TMEM117: variants seen among roughly 807,000 people sequenced by gnomAD.
The protein encoded by TMEM117 is transmembrane protein 117.
A neutral mutation model predicts 52.4 loss-of-function variants in TMEM117; 27 were observed. The ratio of observed to expected loss-of-function variants is 0.51; its 90% CI spans 0.38 to 0.71. TMEM117 has a LOEUF of 0.71. Among genes scored for constraint, TMEM117 ranks in the 30% least tolerant of loss-of-function variants. The probability of loss-of-function intolerance (pLI) is 0.00; values close to 1 mark genes in which losing one functional copy is unlikely to be tolerated. For synonymous variants in TMEM117, 215 were observed against 206.3 expected (o/e 1.04, Z -0.36); for missense variants, 556 against 630.5 (o/e 0.88, Z 1.26).
At chr12:44,286,735 A>C (rs1950643494) in intron 5 of TMEM117, among the ~76,000 whole-genome samples, 1 of 152,226 alleles carries the variant, frequency 6.6e-6, no homozygotes, top group Non-Finnish European at 1.5e-5. Flanking sequence ...GGATTTATTT[A>C]CATGTGCTAC....
chr12:43,885,393 C>T (rs1273344501), intron 2 of TMEM117, among the ~76,000 whole-genome samples: 1 of 145,362 alleles, frequency 6.9e-6, no homozygotes, highest in East Asian at 2.0e-4. Context: ...TTAAGGGCCT[C>T]CCCTATTTTC....
At chr12:44,196,050 G>A (rs1008313981) in intron 4 of TMEM117, among the ~76,000 whole-genome samples, 1 of 151,996 alleles carries the variant, frequency 6.6e-6, no homozygotes, top group Non-Finnish European at 1.5e-5. Flanking sequence ...TTGTGCCACT[G>A]CACTCCAGCC....
chr12:43,919,291 T>G (rs1391952961), intron 2 of TMEM117, among the ~76,000 whole-genome samples: 2 of 152,206 alleles, frequency 1.3e-5, no homozygotes, highest in Non-Finnish European at 2.9e-5. Context: ...TGATTAGTAT[T>G]TCTCTATTTC....
intron 3 of TMEM117, among the ~76,000 whole-genome samples, chr12:44,052,981 A>G (rs141412317): frequency 1.2e-3 from 183 of 152,000 alleles, no homozygotes; most frequent in Non-Finnish European, 2.1e-3. Context: ...AGTCTTTCCA[A>G]CCTTAGAGGT....
At chr12:44,228,838 G>A (rs1592624187) in intron 5 of TMEM117, among the ~76,000 whole-genome samples, 1 of 152,196 alleles carries the variant, frequency 6.6e-6, no homozygotes, top group African/African-American at 2.4e-5. Flanking sequence ...TAGTGGGCAA[G>A]ATGTGGTGTG....
chr12:44,261,835 C>T (rs56134810), intron 5 of TMEM117, among the ~76,000 whole-genome samples: 27,595 of 152,104 alleles, frequency 0.18, 3,567 homozygotes, highest in African/African-American at 0.36. Flanking sequence ...TTAAAGCAAG[C>T]CAGGAAGCCC....
At chr12:43,868,173 T>C (rs1209152460) in intron 2 of TMEM117, among the ~76,000 whole-genome samples, 1 of 151,346 alleles carries the variant, frequency 6.6e-6, no homozygotes, top group Non-Finnish European at 1.5e-5. Context: ...TCTCCCCCTC[T>C]CTCTGTCTCT....
At chr12:43,896,021 G>A (rs1162829800) in intron 2 of TMEM117, among the ~76,000 whole-genome samples, 1 of 152,082 alleles carries the variant, frequency 6.6e-6, no homozygotes, top group Non-Finnish European at 1.5e-5. Flanking sequence ...TCAGATTGAG[G>A]GTGGGTCTGC....
rs567388412 is a variant in TMEM117 at position 44,229,543 on chromosome 12, G to T, written c.608+18156G>T. ...AAAAGACACACAGCACAGCTTATGT[G>T]CATTGCCCAGGGATTTTGGAACAAT... On this transcript the variant is annotated intron_variant, in intron 5 of 7. Transcript: ENST00000266534. Among the ~76,000 whole-genome samples, 6 of 152,192 alleles carry T rather than the reference G, an allele frequency of 3.9e-5. No individual in the cohort carries two copies. In the South Asian group the frequency reaches 1.2e-3, roughly 32 times the overall value.
At chr12:43,836,668 T>G (rs975351229) in intron 1 of TMEM117, among the ~76,000 whole-genome samples, 3 of 152,062 alleles carry the variant, frequency 2.0e-5, no homozygotes, top group Non-Finnish European at 4.4e-5. Context: ...AAGACTTGGG[T>G]GTTTGGGTGT....
chr12:44,249,828 T>C (rs571587158), intron 5 of TMEM117, among the ~76,000 whole-genome samples: 11 of 152,260 alleles, frequency 7.2e-5, no homozygotes, highest in African/African-American at 2.2e-4. Context: ...TTACACCTTA[T>C]ACAAAAATTA....
intron 5 of TMEM117, among the ~76,000 whole-genome samples, chr12:44,252,560 A>AT (rs1282491719): frequency 6.6e-6 from 1 of 152,266 alleles, no homozygotes; most frequent in East Asian, 1.9e-4. Flanking sequence ...CTTGAATGCC[A>AT]TTTTTTGTGA....
chr12:43,881,578 T>C (rs145064890), intron 2 of TMEM117, among the ~76,000 whole-genome samples: 12 of 151,642 alleles, frequency 7.9e-5, no homozygotes, highest in African/African-American at 2.9e-4. Context: ...TCACCTAAGG[T>C]TGGGAGTTTG....
At chr12:43,825,915 C>G in the TMEM117 span, among the ~76,000 whole-genome samples, 1 of 152,160 alleles carries the variant, frequency 6.6e-6, no homozygotes, top group East Asian at 1.9e-4. Flanking sequence ...TTATTTCAGC[C>G]CTAGTTTCTT....
At chr12:44,030,975 A>G (rs1946625087) in intron 3 of TMEM117, among the ~76,000 whole-genome samples, 1 of 152,216 alleles carries the variant, frequency 6.6e-6, no homozygotes, top group African/African-American at 2.4e-5. Flanking sequence ...GCTCTTTAAC[A>G]AAACTTATAA....
intron 5 of TMEM117, among the ~76,000 whole-genome samples, chr12:44,211,952 G>A (rs983281108): frequency 1.3e-5 from 2 of 152,226 alleles, no homozygotes; most frequent in Non-Finnish European, 2.9e-5. Flanking sequence ...TAGGAATGGA[G>A]AGGCAGCAAG....
At chr12:44,302,184 A>C (rs1950849066) in intron 6 of TMEM117, among the ~76,000 whole-genome samples, 1 of 152,008 alleles carries the variant, frequency 6.6e-6, no homozygotes, top group African/African-American at 2.4e-5. Context: ...TGCCCTATGC[A>C]GCTCTTCTTC....
chr12:44,279,738 T>G (rs1041772056), intron 5 of TMEM117, among the ~76,000 whole-genome samples: 6 of 152,128 alleles, frequency 3.9e-5, no homozygotes, highest in African/African-American at 1.4e-4. Flanking sequence ...GGTCTTGAAC[T>G]CCTGGGCTCA....
chr12:44,212,068 T>C (rs745925640), intron 5 of TMEM117, among the ~76,000 whole-genome samples: 4 of 152,212 alleles, frequency 2.6e-5, no homozygotes, highest in African/African-American at 7.2e-5. Flanking sequence ...TTATGTAAAC[T>C]AACACTTATA....
Sources: allele counts gnomAD v4.1 joint callset (sites outside exome capture counted in the v4.1 genomes callset), GRCh38; gene constraint gnomAD v4.1.1; transcripts MANE v1.5; gene names NCBI Gene and HGNC (gene_info 2026-07-23, HGNC 2026-07-21).